STK32B: variants seen among roughly 807,000 people sequenced by gnomAD.
STK32B encodes serine/threonine-protein kinase 32B.
STK32B carries 43 observed loss-of-function variants against 52.6 expected under a neutral mutation model. That is an observed-to-expected ratio of 0.82 (90% CI 0.64 to 1.05). The LOEUF (loss-of-function observed/expected upper bound fraction) is 1.05. Ranked by LOEUF, STK32B falls within the 50% of genes least tolerant of loss-of-function variation. The pLI, the probability that STK32B is intolerant of heterozygous loss-of-function variation, is 0.00. For synonymous variants in STK32B, 238 were observed against 204.3 expected (o/e 1.17, Z -1.41); for missense variants, 621 against 534.6 (o/e 1.16, Z -1.59).
At chr4:5,129,968 G>A (rs567140326) in intron 1 of STK32B, among the ~76,000 whole-genome samples, 1 of 152,198 alleles carries the variant, frequency 6.6e-6, no homozygotes, top group African/African-American at 2.4e-5. Flanking sequence ...AATGAAACAG[G>A]CAAAACTCAG....
intron 3 of STK32B, among the ~76,000 whole-genome samples, chr4:5,317,483 CAT>C (rs200917477): frequency 0.13 from 6,727 of 52,574 alleles, 490 homozygotes; most frequent in South Asian, 0.15. Flanking sequence ...ATATATATTA[CAT>C]ATATATAATA....
At position 5,398,096 on chromosome 4, in the gene STK32B, G is replaced by A. The variant is rs1450216972; in HGVS notation, c.435-111G>A. The A allele has an allele frequency of 1.7e-6, 2 of 1,162,062 alleles. No homozygotes were observed. The highest frequency in any genetic ancestry group is 2.5e-6 in the Non-Finnish European group (2 of 802,802). 72.0% of individuals were successfully genotyped at this position (1,162,062 alleles called of 1,614,324 possible). ...TCCATGTCTGAGGCTTCAGGTCAGG[G>A]AGAGGTGAGCAGCCTGGGTGTTCCA... On this transcript the variant is annotated intron_variant, in intron 4 of 11. Transcript: ENST00000282908. This position sits in a 1 kb window ranked among gnomAD's most constrained non-coding sequence, Gnocchi z 4.9.
chr4:5,420,935 T>C lies in STK32B; in HGVS notation c.562+4001T>C, dbSNP rs146963590. Among the ~76,000 whole-genome samples the C allele has an allele frequency of 1.4e-4, 21 of 152,256 alleles. No individual in the cohort carries two copies. The East Asian group carries it at 3.5e-3, about 25-fold the overall frequency. ...TTTTTTTAAGACAGAGTTTCACTCTTGTCACCCAAGCTAGAGTATAATGGC... is the reference window on the plus strand; with the variant it reads ...TTTTTTTAAGACAGAGTTTCACTCTCGTCACCCAAGCTAGAGTATAATGGC... On this transcript the variant is annotated intron_variant, in intron 6 of 11. Transcript: ENST00000282908.
chr4:5,351,269 A>G (rs76938745), intron 4 of STK32B, among the ~76,000 whole-genome samples: 5,107 of 152,194 alleles, frequency 0.034, 162 homozygotes, highest in African/African-American at 0.083. Flanking sequence ...ATGTTTTCTC[A>G]GGCATCAATG....
intron 3 of STK32B, among the ~76,000 whole-genome samples, chr4:5,245,314 T>C (rs1183107185): frequency 1.3e-5 from 2 of 152,198 alleles, no homozygotes; most frequent in Non-Finnish European, 2.9e-5. Context: ...GTTGAATTGA[T>C]CCCTTTACCA....
chr4:5,110,007 A>C (rs1036788691), intron 1 of STK32B, among the ~76,000 whole-genome samples: 2 of 129,646 alleles, frequency 1.5e-5, no homozygotes, highest in African/African-American at 2.6e-5. Context: ...CGTTTACAAT[A>C]GCCACAGAAA....
intron 1 of STK32B, among the ~76,000 whole-genome samples, chr4:5,054,369 G>C (rs1287676851): frequency 6.6e-6 from 1 of 152,080 alleles, no homozygotes; most frequent in Non-Finnish European, 1.5e-5. Flanking sequence ...GATCTGAAAA[G>C]GCCTCCTCTT....
chr4:5,142,175 G>C (rs1289495797), intron 2 of STK32B, among the ~76,000 whole-genome samples: 1 of 152,152 alleles, frequency 6.6e-6, no homozygotes, highest in Non-Finnish European at 1.5e-5. Flanking sequence ...GAGCAAAGTT[G>C]AGTAAGAAGT....
In STK32B at chr4:5,468,877, C is replaced by T. The variant is rs541177620; in HGVS notation, c.1106+807C>T. Among the ~76,000 whole-genome samples the T allele has an allele frequency of 8.5e-5, 13 of 152,106 alleles. No individual in the cohort carries two copies. The South Asian group carries it at 1.5e-3, about 17-fold the overall frequency. ...GGATATCGAGACCACGGTGAAACCC[C>T]GTCTCTTCTAAAAATACAAAAAGTT... On this transcript the variant is annotated intron_variant, in intron 11 of 11. Transcript: ENST00000282908.
chr4:5,333,254 G>T (rs552124369), intron 4 of STK32B, among the ~76,000 whole-genome samples: 1 of 152,156 alleles, frequency 6.6e-6, no homozygotes, highest in South Asian at 2.1e-4. Flanking sequence ...CAGTGATGGT[G>T]AGCATTTGGC....
At chr4:5,097,708 A>G (rs1713477895) in intron 1 of STK32B, among the ~76,000 whole-genome samples, 1 of 152,244 alleles carries the variant, frequency 6.6e-6, no homozygotes, top group African/African-American at 2.4e-5. Flanking sequence ...AAAGGTTAAC[A>G]GGACCCTGAT....
chr4:5,133,838 C>T (rs1019933816), intron 1 of STK32B, among the ~76,000 whole-genome samples: 1 of 152,112 alleles, frequency 6.6e-6, no homozygotes, highest in African/African-American at 2.4e-5. Flanking sequence ...CTGTCTATGG[C>T]CGTCATCCTG....
At chr4:5,330,468 A>G (rs1732159702) in intron 3 of STK32B, among the ~76,000 whole-genome samples, 1 of 152,168 alleles carries the variant, frequency 6.6e-6, no homozygotes, top group African/African-American at 2.4e-5. Flanking sequence ...CTAAAACTTA[A>G]TGGTGTGAAA....
intron 1 of STK32B, among the ~76,000 whole-genome samples, chr4:5,099,645 G>A (rs566452620): frequency 2.0e-5 from 3 of 152,258 alleles, no homozygotes; most frequent in African/African-American, 7.2e-5. Flanking sequence ...GGACAGATAG[G>A]ATTTGAAAGA....
chr4:5,411,322 A>C (rs1711652493), intron 5 of STK32B, among the ~76,000 whole-genome samples: 1 of 152,044 alleles, frequency 6.6e-6, no homozygotes, highest in Non-Finnish European at 1.5e-5. Flanking sequence ...GGCGTGAGCC[A>C]CTGTGCCCGG....
intron 1 of STK32B, among the ~76,000 whole-genome samples, chr4:5,082,381 A>G (rs1712487348): frequency 6.6e-6 from 1 of 152,188 alleles, no homozygotes; most frequent in South Asian, 2.1e-4. Context: ...GGGATGAGGC[A>G]GATGGAGCAT....
intron 3 of STK32B, among the ~76,000 whole-genome samples, chr4:5,329,780 A>G (rs1384681614): frequency 6.6e-6 from 1 of 152,202 alleles, no homozygotes; most frequent in South Asian, 2.1e-4. Context: ...ATTCTGAACA[A>G]TTATGAACAA....
chr4:5,455,398 C>T (rs906309944), intron 7 of STK32B, among the ~76,000 whole-genome samples: 4 of 152,222 alleles, frequency 2.6e-5, no homozygotes, highest in African/African-American at 4.8e-5. Flanking sequence ...TCAGTGCAAG[C>T]GGATCATGCT....
intron 3 of STK32B, among the ~76,000 whole-genome samples, chr4:5,169,735 A>G (rs1719206180): frequency 6.6e-6 from 1 of 152,150 alleles, no homozygotes; most frequent in South Asian, 2.1e-4. Flanking sequence ...TTTGATTGCT[A>G]TGCAAGGGAA....
Sources: gnomAD v4.1 joint callset for allele counts (sites outside exome capture counted in the v4.1 genomes callset) on GRCh38, gnomAD v4.1.1 for gene constraint, Gnocchi (gnomAD v3.1) non-coding constraint, MANE v1.5 for transcripts, NCBI Gene and HGNC (gene_info 2026-07-23, HGNC 2026-07-21) for gene names.